Variants in RNF212 observed in about 807,000 individuals in gnomAD.
RNF212 encodes ring finger protein 212.
In RNF212, 33 loss-of-function variants were observed where a neutral mutation model predicts 34.7. That is an observed-to-expected ratio of 0.95 (90% CI 0.72 to 1.27). RNF212 has a LOEUF of 1.27. Ranked by LOEUF, RNF212 falls within the 50% of genes most tolerant of loss-of-function variation. RNF212 has a pLI of 0.00. For synonymous variants in RNF212, 140 were observed against 136.1 expected, an observed-to-expected ratio of 1.03 and a Z score of -0.20; for missense variants, 377 against 362.2, an observed-to-expected ratio of 1.04 and a Z score of -0.33.
At chr4:1,099,270 T>G (rs1269956965) in intron 2 of RNF212, among the ~76,000 whole-genome samples, 2 of 152,144 alleles carry the variant, frequency 1.3e-5, no homozygotes, top group Non-Finnish European at 1.5e-5. Flanking sequence ...GAAAAAGACA[T>G]TTTTTTAAAA....
chr4:1,112,052 A>T (rs1016832223), intron 1 of RNF212, among the ~76,000 whole-genome samples: 6 of 152,286 alleles, frequency 3.9e-5, no homozygotes, highest in Admixed American at 1.3e-4. Context: ...GTGAAAAATT[A>T]AAAAAATCAG....
intron 7 of RNF212, 25 bp from the exon 8 acceptor site, chr4:1,079,713 T>C (rs1179946098): frequency 6.3e-6 from 10 of 1,579,624 alleles, no homozygotes; most frequent in African/African-American, 1.3e-5. Flanking sequence ...GTGAAAGGCT[T>C]TGAGTGAGCC....
At chr4:1,110,579 T>C (rs951934573) in intron 1 of RNF212, among the ~76,000 whole-genome samples, 1 of 152,202 alleles carries the variant, frequency 6.6e-6, no homozygotes, top group Non-Finnish European at 1.5e-5. Context: ...AGAATGATGA[T>C]ACAGACTTAT....
chr4:1,065,603 G>A (rs1215300584), intron 3 of RNF212, among the ~76,000 whole-genome samples: 5 of 151,996 alleles, frequency 3.3e-5, no homozygotes, highest in South Asian at 2.1e-4. Flanking sequence ...GAGAAGCTGG[G>A]ACCACAGGTT....
At chr4:1,103,348 T>A (rs1409336384) in intron 2 of RNF212, among the ~76,000 whole-genome samples, 1 of 152,030 alleles carries the variant, frequency 6.6e-6, no homozygotes, top group Non-Finnish European at 1.5e-5. Flanking sequence ...TTACAAAAAA[T>A]TTTCCAGAGA....
chr4:1,097,860 T>A (rs1723303127), intron 2 of RNF212, among the ~76,000 whole-genome samples: 1 of 151,592 alleles, frequency 6.6e-6, no homozygotes, highest in Admixed American at 6.6e-5. Flanking sequence ...AGGTCAGGAG[T>A]TTAAGACCAG....
chr4:1,085,931 A>C lies in RNF212; in HGVS notation c.327T>G (p.Leu109=). The C allele has an allele frequency of 6.8e-6, 11 of 1,611,834 alleles. No individual in the cohort carries two copies. Among genetic ancestry groups the C allele is most frequent in the South Asian group, 1.1e-5 (1 of 91,056 alleles). Residue 109 remains leucine, a synonymous_variant, in exon 5 of 10, where the codon CTT becomes CTG. Coordinates refer to ENST00000433731, the MANE Select transcript of RNF212 (RefSeq NM_001131034.4). ...REKISRLEES[L]RKSVLQIEQL... ...GTTCTATCTGCAGCACTGACTTCCT[A>C]AGGGATTCTTCCAACCTAGAAATCT...
intron 8 of RNF212, among the ~76,000 whole-genome samples, chr4:1,074,962 C>T (rs973937105): frequency 2.0e-5 from 3 of 152,226 alleles, no homozygotes; most frequent in Admixed American, 2.0e-4. Flanking sequence ...CTAAGAATCC[C>T]CTTGACATCA....
At chr4:1,086,054 C>T in intron 4 of RNF212, 100 bp from the exon 5 acceptor site, 1 of 884,608 alleles carries the variant, frequency 1.1e-6, no homozygotes. Context: ...GTGGGTTACT[C>T]TGCATGGAGT....
At chr4:1,059,513 G>A (rs1347173294) in intron 3 of RNF212, among the ~76,000 whole-genome samples, 1 of 138,136 alleles carries the variant, frequency 7.2e-6, no homozygotes, top group South Asian at 2.4e-4. Context: ...CAAATCCAGA[G>A]CCCGTGTTCA....
At chr4:1,099,374 G>T (rs1323532132) in intron 2 of RNF212, among the ~76,000 whole-genome samples, 1 of 152,206 alleles carries the variant, frequency 6.6e-6, no homozygotes, top group Non-Finnish European at 1.5e-5. Context: ...GAAGCACAGA[G>T]ATTCGGGAGG....
chr4:1,086,048 G>A, intron 4 of RNF212, 94 bp from the exon 5 acceptor site: 2 of 929,730 alleles, frequency 2.2e-6, no homozygotes, highest in Non-Finnish European at 3.5e-6. Flanking sequence ...CAGAATGTGG[G>A]TTACTCTGCA....
chr4:1,080,873 G>C (rs1363791171), intron 7 of RNF212, among the ~76,000 whole-genome samples: 1 of 152,246 alleles, frequency 6.6e-6, no homozygotes, highest in African/African-American at 2.4e-5. Flanking sequence ...GTTTTCTCTG[G>C]GATGCTGGAG....
chr4:1,083,201 C>T (rs553272163), intron 5 of RNF212, among the ~76,000 whole-genome samples: 33 of 152,148 alleles, frequency 2.2e-4, no homozygotes, highest in Non-Finnish European at 4.0e-4. Flanking sequence ...GATTTGGATT[C>T]CTGAGGATAT....
rs142551226 is a variant in RNF212 at position 1,109,720 on chromosome 4, C to T, written c.110-1316G>A. On this transcript the variant is annotated intron_variant, in intron 1 of 9. Transcript: ENST00000433731. ...CTCATGACCTACCTCAATTTCTCTGCCCTCTCCTCTAGACTGACCCACCAC... is the reference window on the plus strand; with the variant it reads ...CTCATGACCTACCTCAATTTCTCTGTCCTCTCCTCTAGACTGACCCACCAC... Among the ~76,000 whole-genome samples the T allele has an allele frequency of 7.7e-3, 1,162 of 150,120 alleles. 10 individuals are homozygous for T. Among genetic ancestry groups the T allele is most frequent in the Middle Eastern group, 0.017 (5 of 292 alleles).
At chr4:1,076,770 G>A (rs1462361318) in intron 8 of RNF212, among the ~76,000 whole-genome samples, 3 of 152,216 alleles carry the variant, frequency 2.0e-5, no homozygotes, top group African/African-American at 4.8e-5. Context: ...TGGCACAGGG[G>A]TTGGCAAACT....
rs191715651 is a variant in RNF212 at position 1,076,547 on chromosome 4, C to T, written c.511-2885G>A. Among the ~76,000 whole-genome samples the T allele has an allele frequency of 5.3e-5, 8 of 152,282 alleles. No individual in the cohort carries two copies. The East Asian group carries it at 1.5e-3, about 29-fold the overall frequency. On this transcript the variant is annotated intron_variant, in intron 8 of 9. Coordinates refer to ENST00000433731, the MANE Select transcript of RNF212 (RefSeq NM_001131034.4). ...CTCTCTGCAGGCCAGAGAGTGAGAC[C>T]TCAGTCTGCACAGGCAACAGGTGGT...
chr4:1,103,970 T>C (rs1724426364), intron 2 of RNF212, among the ~76,000 whole-genome samples: 1 of 151,974 alleles, frequency 6.6e-6, no homozygotes, highest in African/African-American at 2.4e-5. Flanking sequence ...CGTATGTAAA[T>C]GTTCTAGCAG....
chr4:1,100,973 T>C lies in RNF212; in HGVS notation c.172-4134A>G, dbSNP rs547295027. 8.4e-4 allele frequency: 151 copies of C among 180,562 alleles called. 1 individual carries two copies. Among genetic ancestry groups the C allele is most frequent in the African/African-American group, 3.5e-3 (148 of 42,556 alleles). 11.2% of individuals were successfully genotyped at this position (180,562 alleles called of 1,614,324 possible). On this transcript the variant is annotated intron_variant, in intron 2 of 9. Coordinates refer to ENST00000433731, the MANE Select transcript of RNF212 (RefSeq NM_001131034.4). ...GGAATTCTGCGGCTGAAATCACCTG[T>C]TAGCTCTTCCATATTGTCAGGCTTG...
Sources: allele counts gnomAD v4.1 joint callset (sites outside exome capture counted in the v4.1 genomes callset), GRCh38; gene constraint gnomAD v4.1.1; transcripts MANE v1.5; gene names NCBI Gene and HGNC (gene_info 2026-07-23, HGNC 2026-07-21).